The following DOCK8 variants were observed in gnomAD, a reference collection of about 807,000 sequenced individuals.
DOCK8 encodes the protein dedicator of cytokinesis 8, also known as dedicator of cytokinesis protein 8.
Under a neutral mutation model 245.6 loss-of-function variants are expected in DOCK8, and 141 were observed. That is an observed-to-expected ratio of 0.57 (90% confidence interval 0.50 to 0.66). The LOEUF (loss-of-function observed/expected upper bound fraction) is 0.66, where lower values mean the gene tolerates loss of function less well. DOCK8 is among the 30% of genes least tolerant of loss of function. The probability of loss-of-function intolerance (pLI) is 0.00; values close to 1 mark genes in which losing one functional copy is unlikely to be tolerated. For synonymous variants in DOCK8, 1,168 were observed against 970.2 expected (o/e 1.20, Z -3.79); for missense variants, 2,965 against 2,603.4 (o/e 1.14, Z -3.02).
intron 18 of DOCK8, among the ~76,000 whole-genome samples, chr9:374,934 A>G (rs147874674): frequency 2.0e-5 from 3 of 151,978 alleles, no homozygotes; most frequent in Non-Finnish European, 4.4e-5. Context: ...GCATCTGTTC[A>G]CTCTGGAGAT....
chr9:435,005 C>G, intron 39 of DOCK8, 30 bp downstream of exon 39: 1 of 1,609,076 alleles, frequency 6.2e-7, no homozygotes, highest in South Asian at 1.1e-5. Flanking sequence ...TCCCTTAGAG[C>G]AGTGGTTCTC....
At chr9:234,432 C>G (rs200299580) in intron 1 of DOCK8, among the ~76,000 whole-genome samples, 1 of 152,092 alleles carries the variant, frequency 6.6e-6, no homozygotes, top group Non-Finnish European at 1.5e-5. Flanking sequence ...TTCTGAATTT[C>G]AGTGTTGGCC....
At chr9:215,221 G>T (rs1314532982) in intron 1 of DOCK8, 192 bp downstream of exon 1, 6 of 1,547,570 alleles carry the variant, frequency 3.9e-6, no homozygotes, top group Non-Finnish European at 5.2e-6. Flanking sequence ...TCCTGCGCTG[G>T]GCCCGGCGAG....
At chr9:300,849 T>A (rs2130537059) in intron 4 of DOCK8, among the ~76,000 whole-genome samples, 1 of 152,202 alleles carries the variant, frequency 6.6e-6, no homozygotes, top group African/African-American at 2.4e-5. Flanking sequence ...ATTGAATCAG[T>A]AATACAAAAC....
intron 1 of DOCK8, among the ~76,000 whole-genome samples, chr9:244,907 T>C (rs1349969954): frequency 6.6e-6 from 1 of 152,190 alleles, no homozygotes; most frequent in Non-Finnish European, 1.5e-5. Flanking sequence ...CACCAAATTC[T>C]GGGGACAGGT....
intron 1 of DOCK8, among the ~76,000 whole-genome samples, chr9:230,713 T>C (rs188984425): frequency 0.035 from 4,930 of 142,854 alleles, 120 homozygotes; most frequent in Middle Eastern, 0.052. Context: ...TGAGAAGTGT[T>C]TGTTCATATC....
rs2131809775 is a variant in DOCK8, at chr9:441,339, A to G, written c.5277A>G (p.Leu1759=). The change falls in exon 41 of 48, where the codon CTA becomes CTG. Residue 1759 remains leucine, a synonymous_variant. Transcript: ENST00000432829. ...NEVYKLVIPI[L]EAHREFRKLT... The stretch of plus-strand genomic sequence containing the variant: ...TCTACAAGCTGGTCATCCCCATCCT[A>G]GAAGCGCATCGAGAATTCCGGAAGC... The G allele has an allele frequency of 4.3e-6, 7 of 1,614,196 alleles. No individual in the cohort carries two copies. The highest frequency in any genetic ancestry group is 5.1e-6 in the Non-Finnish European group (6 of 1,180,022).
chr9:436,521 C>A lies in DOCK8; in HGVS notation c.5079+1546C>A, dbSNP rs974124725. The stretch of plus-strand genomic sequence containing the variant: ...TAAATTATTTTATACTTCTTTTATT[C>A]CTTTTCCCATGACTATATTTTATTT... On this transcript the variant is annotated intron_variant, in intron 39 of 47. Transcript: ENST00000432829. Among the ~76,000 whole-genome samples, 11 of 152,194 alleles carry A rather than the reference C, an allele frequency of 7.2e-5. 1 individual carries two copies. Among genetic ancestry groups the A allele is most frequent in the African/African-American group, 2.2e-4 (9 of 41,530 alleles).
At chr9:391,773 G>A (rs966353195) in intron 24 of DOCK8, among the ~76,000 whole-genome samples, 2 of 147,438 alleles carry the variant, frequency 1.4e-5, no homozygotes, top group East Asian at 4.1e-4. Flanking sequence ...TAGTGATAAT[G>A]TTAGCTTTAT....
chr9:279,409 T>C (rs1479707891), intron 2 of DOCK8, among the ~76,000 whole-genome samples: 1 of 152,152 alleles, frequency 6.6e-6, no homozygotes, highest in African/African-American at 2.4e-5. Flanking sequence ...GTGAATGAGT[T>C]CATTTGAGAT....
chr9:336,278 G>A (rs1280328273), intron 11 of DOCK8, among the ~76,000 whole-genome samples: 2 of 152,202 alleles, frequency 1.3e-5, no homozygotes, highest in Non-Finnish European at 2.9e-5. Flanking sequence ...AGCTTATCAG[G>A]AGACCCTGTT....
chr9:439,144 G>T, intron 39 of DOCK8, 101 bp from the exon 40 acceptor site: 1 of 1,463,294 alleles, frequency 6.8e-7, no homozygotes, highest in Non-Finnish European at 9.5e-7. Context: ...TCTTGGTAAG[G>T]ATCTGCACAC....
chr9:275,806 C>A (rs1324168034), intron 2 of DOCK8, among the ~76,000 whole-genome samples: 1 of 151,968 alleles, frequency 6.6e-6, no homozygotes, highest in Non-Finnish European at 1.5e-5. Flanking sequence ...CCAGGCTGGT[C>A]ACAAACTCCT....
At position 383,310 on chromosome 9, in the gene DOCK8, G is replaced by A. The variant is rs888953045; in HGVS notation, c.2778+625G>A. On this transcript the variant is annotated intron_variant, in intron 22 of 47. Transcript: ENST00000432829. ...AGCACTTTGGGAGGCCGAGGTGGGTGGATCACAAGGTCAGGAGTTCGAGAC... is the reference window on the plus strand; with the variant it reads ...AGCACTTTGGGAGGCCGAGGTGGGTAGATCACAAGGTCAGGAGTTCGAGAC... 7.9e-5 allele frequency among the ~76,000 whole-genome samples: 12 copies of A among 152,166 alleles called. 1 individual carries two copies. Among genetic ancestry groups the A allele is most frequent in the African/African-American group, 1.2e-4 (5 of 41,518 alleles).
intron 46 of DOCK8, among the ~76,000 whole-genome samples, chr9:462,397 A>G (rs1251626826): frequency 6.6e-6 from 1 of 152,224 alleles, no homozygotes; most frequent in Admixed American, 6.5e-5. Context: ...AAATGGCCCT[A>G]AGCTGATAGC....
chr9:342,652 T>C (rs2051666141), intron 14 of DOCK8, among the ~76,000 whole-genome samples: 1 of 152,074 alleles, frequency 6.6e-6, no homozygotes, highest in Non-Finnish European at 1.5e-5. Flanking sequence ...GTATTTTTGG[T>C]AGAGACAGGG....
At chr9:272,884 C>T (rs79423432) in intron 2 of DOCK8, 261 of 202,946 alleles carry the variant, frequency 1.3e-3, no homozygotes, top group African/African-American at 6.0e-3. Context: ...TGTGAGAGAG[C>T]TCCAGCCCTC....
chr9:357,270 A>G (rs967085541), intron 14 of DOCK8, among the ~76,000 whole-genome samples: 1 of 152,246 alleles, frequency 6.6e-6, no homozygotes, highest in Non-Finnish European at 1.5e-5. Context: ...CATAGCAGCT[A>G]TATTTAATCA....
At chr9:284,186 G>A (rs765681684) in intron 2 of DOCK8, among the ~76,000 whole-genome samples, 1 of 152,142 alleles carries the variant, frequency 6.6e-6, no homozygotes, top group African/African-American at 2.4e-5. Flanking sequence ...TTTATCCTGT[G>A]GGGTTGGTCC....
Sources: gnomAD v4.1 joint callset for allele counts (sites outside exome capture counted in the v4.1 genomes callset) on GRCh38, gnomAD v4.1.1 for gene constraint, MANE v1.5 for transcripts, NCBI Gene and HGNC (gene_info 2026-07-23, HGNC 2026-07-21) for gene names.